Variants in MKLN1 observed in about 807,000 individuals in gnomAD.
MKLN1 encodes the protein muskelin.
In MKLN1, 18 loss-of-function variants were observed where a neutral mutation model predicts 99.0. The ratio of observed to expected loss-of-function variants is 0.18; its 90% confidence interval spans 0.13 to 0.27. MKLN1 has a LOEUF of 0.27. Ranked by LOEUF, MKLN1 falls within the 10% of genes least tolerant of loss-of-function variation. The pLI is 1.00. For synonymous variants in MKLN1, 288 were observed against 293.2 expected (o/e 0.98, Z 0.18); for missense variants, 621 against 875.9 (o/e 0.71, Z 3.67).
intron 3 of MKLN1, among the ~76,000 whole-genome samples, chr7:131,272,891 A>G (rs1442413951): frequency 3.3e-5 from 5 of 152,322 alleles, no homozygotes; most frequent in Admixed American, 6.5e-5. Context: ...TGGGAGATAC[A>G]ATTCAAGTTG....
At position 131,487,791 on chromosome 7, in the gene MKLN1, G is replaced by C; in HGVS notation, c.*63G>C. ...TCGATTTTCCGTCTTTTGGATTGCA[G>C]CTCCACTGACTGACAGTAAAGCTGC... On this transcript the variant is annotated 3_prime_UTR_variant, in exon 18 of 18. Coordinates refer to ENST00000352689, the MANE Select transcript of MKLN1 (RefSeq NM_013255.5). This position sits in a 1 kb window ranked among gnomAD's most constrained non-coding sequence, Gnocchi z 4.7. 1 of 1,571,680 alleles carries C rather than the reference G, an allele frequency of 6.4e-7. No individual in the cohort carries two copies. Among genetic ancestry groups the C allele is most frequent in the South Asian group, 1.2e-5 (1 of 86,030 alleles).
intron 3 of MKLN1, among the ~76,000 whole-genome samples, chr7:131,278,528 C>T (rs975469962): frequency 6.6e-6 from 1 of 152,046 alleles, no homozygotes; most frequent in Non-Finnish European, 1.5e-5. Context: ...GCTCATTATC[C>T]TCATCTGGAG....
intron 1 of MKLN1, among the ~76,000 whole-genome samples, chr7:131,340,559 G>A (rs763561083): frequency 5.3e-5 from 8 of 152,064 alleles, no homozygotes; most frequent in Admixed American, 1.3e-4. Context: ...GATTACAGGC[G>A]TGAGCCACCG....
chr7:131,243,380 A>T (rs947750011), intron 3 of MKLN1, among the ~76,000 whole-genome samples: 1 of 152,204 alleles, frequency 6.6e-6, no homozygotes, highest in Non-Finnish European at 1.5e-5. Context: ...CGGCCTTTGT[A>T]ATAATGTGTG....
At chr7:131,382,292 G>C (rs1197471930) in intron 2 of MKLN1, among the ~76,000 whole-genome samples, 1 of 151,992 alleles carries the variant, frequency 6.6e-6, no homozygotes, top group African/African-American at 2.4e-5. Flanking sequence ...TTGAACCTGG[G>C]AGGCGGAGGT....
At chr7:131,448,960 G>A (rs1356892051) in intron 12 of MKLN1, among the ~76,000 whole-genome samples, 2 of 152,182 alleles carry the variant, frequency 1.3e-5, no homozygotes, top group African/African-American at 2.4e-5. Flanking sequence ...TGGACCTGGA[G>A]GATAAGATCC....
chr7:131,236,408 C>T (rs1797321618), intron 3 of MKLN1, among the ~76,000 whole-genome samples: 1 of 152,168 alleles, frequency 6.6e-6, no homozygotes, highest in Admixed American at 6.6e-5. Context: ...CGCCTGTAAT[C>T]TCAGCACTTT....
At chr7:131,365,930 T>A (rs1027400217) in intron 1 of MKLN1, among the ~76,000 whole-genome samples, 1 of 152,152 alleles carries the variant, frequency 6.6e-6, no homozygotes, top group Non-Finnish European at 1.5e-5. Flanking sequence ...TTATAATGGT[T>A]TGATTGATTG....
Position 131,474,761 on chromosome 7 carries a change from G to T in MKLN1, c.2031+3817G>T, listed in dbSNP as rs567808199. Among the ~76,000 whole-genome samples the T allele has an allele frequency of 2.0e-5, 3 of 152,282 alleles. No individual in the cohort carries two copies. The South Asian group carries it at 6.2e-4, about 32-fold the overall frequency. On this transcript the variant is annotated intron_variant, in intron 16 of 17. Transcript: ENST00000352689. ...AAACCCCAAGCAAGACTTACCAAGT[G>T]TATTAGCCTGTTCTCACACTGTTGT...
chr7:131,229,274 T>G (rs1167711914), intron 3 of MKLN1, among the ~76,000 whole-genome samples: 2 of 152,074 alleles, frequency 1.3e-5, no homozygotes, highest in Admixed American at 6.6e-5. Flanking sequence ...CGATCCGTCA[T>G]CTACATTAGG....
chr7:131,416,894 G>A (rs554488302), intron 8 of MKLN1, among the ~76,000 whole-genome samples: 1 of 146,656 alleles, frequency 6.8e-6, no homozygotes, highest in African/African-American at 2.5e-5. Context: ...GAGTCAGAAG[G>A]ATTGCTTGAG....
intron 3 of MKLN1, among the ~76,000 whole-genome samples, chr7:131,300,624 T>C (rs1284152117): frequency 6.7e-6 from 1 of 148,308 alleles, no homozygotes; most frequent in East Asian, 2.0e-4. Context: ...GAGAAAGAGA[T>C]TGCAGTGAGT....
chr7:131,176,677 G>A (rs540697081), intron 2 of MKLN1, among the ~76,000 whole-genome samples: 5 of 152,324 alleles, frequency 3.3e-5, no homozygotes, highest in South Asian at 2.1e-4. Flanking sequence ...ACAGCGAGTC[G>A]TTGTCTGAAA....
In MKLN1 at chr7:131,169,144, T is replaced by G. The variant is rs891642574; in HGVS notation, c.-297+26203T>G. Among the ~76,000 whole-genome samples, 7 of 152,302 alleles carry G rather than the reference T, an allele frequency of 4.6e-5. No individual in the cohort carries two copies. In the East Asian group the frequency reaches 1.4e-3, roughly 29 times the overall value. ...CCTCCCAAAGTGCTGGGATTACAGG[T>G]GTGAGCCACCTCGCCCGGCCAGCCA... On this transcript the variant is annotated intron_variant, in intron 2 of 7. Coordinates refer to the MKLN1 transcript ENST00000416992.
chr7:131,396,221 C>T (rs889757484), intron 4 of MKLN1, among the ~76,000 whole-genome samples: 6 of 151,992 alleles, frequency 3.9e-5, no homozygotes, highest in South Asian at 2.1e-4. Flanking sequence ...TATAGGCGCA[C>T]GCCACCATGA....
At chr7:131,418,752 T>G (rs565152679) in intron 8 of MKLN1, among the ~76,000 whole-genome samples, 41 of 152,348 alleles carry the variant, frequency 2.7e-4, no homozygotes, top group African/African-American at 9.9e-4. Context: ...ATTTACTTAT[T>G]TTTTGGTAGA....
chr7:131,314,720 C>A (rs929004109), intron 3 of MKLN1, among the ~76,000 whole-genome samples: 2 of 151,918 alleles, frequency 1.3e-5, no homozygotes, highest in African/African-American at 2.4e-5. Context: ...CCGCGCCCAG[C>A]CCTTGTTTGT....
Position 131,265,986 on chromosome 7 carries a change from C to A in MKLN1, c.-179+63012C>A, listed in dbSNP as rs1797801570. The stretch of plus-strand genomic sequence containing the variant: ...GCCAGGAGTCTGAGACCAGCCTGAT[C>A]AACATGGCGAAACCCTATCTCTACT... On this transcript the variant is annotated intron_variant, in intron 3 of 7. Transcript: ENST00000416992. 2.6e-5 allele frequency among the ~76,000 whole-genome samples: 4 copies of A among 152,170 alleles called. No individual in the cohort carries two copies. In the South Asian group the frequency reaches 8.3e-4, roughly 32 times the overall value.
intron 10 of MKLN1, among the ~76,000 whole-genome samples, chr7:131,440,715 C>CAT (rs35344941): frequency 0.48 from 72,351 of 150,432 alleles, 17,664 homozygotes; most frequent in East Asian, 0.68. Flanking sequence ...GGAGAGCCAA[C>CAT]ATATATATAT....
Sources: allele counts gnomAD v4.1 joint callset (sites outside exome capture counted in the v4.1 genomes callset), GRCh38; gene constraint gnomAD v4.1.1; non-coding constraint Gnocchi (gnomAD v3.1); transcripts MANE v1.5; gene names NCBI Gene and HGNC (gene_info 2026-07-23, HGNC 2026-07-21).